The following RALGPS1 variants were observed in gnomAD, a reference collection of about 807,000 sequenced individuals.
RALGPS1 encodes ras-specific guanine nucleotide-releasing factor RalGPS1.
Under a neutral mutation model 78.8 loss-of-function variants are expected in RALGPS1, and 19 were observed. That is an observed-to-expected ratio of 0.24 (90% CI 0.17 to 0.35). The LOEUF (loss-of-function observed/expected upper bound fraction) is 0.35. Ranked by LOEUF, RALGPS1 falls within the 10% of genes least tolerant of loss-of-function variation. The pLI is 1.00. For synonymous variants in RALGPS1, 228 were observed against 256.3 expected (o/e 0.89, Z 1.06); for missense variants, 454 against 688.3 (o/e 0.66, Z 3.81).
In RALGPS1 at chr9:127,212,845, G is replaced by T; in HGVS notation, c.1447-99G>T. On this transcript the variant is annotated intron_variant, in intron 16 of 18. Transcript: ENST00000259351. This position sits in a 1 kb window ranked among gnomAD's most constrained non-coding sequence, Gnocchi z 6.0. ...CTGCGGAGGATGCAGGTGGGAAGGC[G>T]GCAGGGGAGGGAGGAAGCCTTGCCT... 1 of 1,576,266 alleles carries T rather than the reference G, an allele frequency of 6.3e-7. No homozygotes were observed.
At chr9:127,169,923 TTG>T (rs2059478936) in intron 10 of RALGPS1, among the ~76,000 whole-genome samples, 1 of 152,208 alleles carries the variant, frequency 6.6e-6, no homozygotes, top group Admixed American at 6.5e-5. Flanking sequence ...AAATGCATTT[TTG>T]ACTTGTAATA....
chr9:126,988,282 C>T (rs1017447294), intron 4 of RALGPS1, among the ~76,000 whole-genome samples: 7 of 152,066 alleles, frequency 4.6e-5, no homozygotes, highest in Non-Finnish European at 7.4e-5. Flanking sequence ...GTCAAGAGAG[C>T]CAGGTTGGGC....
chr9:127,205,158 C>T lies in RALGPS1; in HGVS notation c.1247+6092C>T, dbSNP rs756013639. ...TGGTGCCTGGCTTCAGTGCTCTGGA[C>T]AGTTGGCCTATCTCTCCTGCATGAG... On this transcript the variant is annotated intron_variant, in intron 14 of 18. Transcript: ENST00000259351. The surrounding 1 kb of genome is among the most constrained non-coding windows in gnomAD (Gnocchi z 4.0). Among the ~76,000 whole-genome samples the T allele has an allele frequency of 2.3e-4, 35 of 152,338 alleles. No individual in the cohort carries two copies. Among genetic ancestry groups the T allele is most frequent in the Non-Finnish European group, 4.0e-4 (27 of 68,030 alleles).
chr9:126,968,976 A>G (rs954540942), intron 3 of RALGPS1, among the ~76,000 whole-genome samples: 1 of 152,138 alleles, frequency 6.6e-6, no homozygotes, highest in Non-Finnish European at 1.5e-5. Context: ...TGAACCCAGG[A>G]GGCAGAGGTT....
chr9:126,967,549 T>G (rs902872581), intron 3 of RALGPS1, among the ~76,000 whole-genome samples: 2 of 152,170 alleles, frequency 1.3e-5, no homozygotes, highest in African/African-American at 2.4e-5. Flanking sequence ...AATAATTTTT[T>G]TTTTTGAGAC....
At chr9:127,085,312 T>A (rs2051593131) in intron 8 of RALGPS1, among the ~76,000 whole-genome samples, 1 of 152,198 alleles carries the variant, frequency 6.6e-6, no homozygotes, top group African/African-American at 2.4e-5. Context: ...GCAACCACCA[T>A]GGCGAACTTA....
chr9:127,203,836 C>T (rs897231810), intron 14 of RALGPS1, among the ~76,000 whole-genome samples: 3 of 152,140 alleles, frequency 2.0e-5, no homozygotes, highest in African/African-American at 7.2e-5. Flanking sequence ...CCCTAGAGAG[C>T]CCTCGAGGCA....
intron 1 of RALGPS1, among the ~76,000 whole-genome samples, chr9:126,935,125 C>CT (rs772456591): frequency 5.0e-4 from 76 of 152,346 alleles, no homozygotes; most frequent in South Asian, 1.2e-3. Flanking sequence ...GGGAGCTCTC[C>CT]TTTCCTTAAA....
chr9:127,105,464 G>T (rs999117576), intron 8 of RALGPS1, among the ~76,000 whole-genome samples: 2 of 152,154 alleles, frequency 1.3e-5, no homozygotes, highest in African/African-American at 4.8e-5. Context: ...GGACCCACTA[G>T]TCACTTGGGT....
chr9:126,917,973 C>G (rs1167350383), intron 1 of RALGPS1, among the ~76,000 whole-genome samples: 1 of 152,108 alleles, frequency 6.6e-6, no homozygotes, highest in African/African-American at 2.4e-5. Flanking sequence ...TTGTTTAGTT[C>G]TTCTTTTAAA....
intron 2 of RALGPS1, among the ~76,000 whole-genome samples, chr9:126,964,760 C>T (rs1207505609): frequency 2.0e-5 from 3 of 152,168 alleles, no homozygotes; most frequent in African/African-American, 7.2e-5. Context: ...CTCTTTTTAA[C>T]CTTACATTTG....
chr9:126,931,689 T>G (rs973255900), intron 1 of RALGPS1, among the ~76,000 whole-genome samples: 1 of 152,156 alleles, frequency 6.6e-6, no homozygotes, highest in Non-Finnish European at 1.5e-5. Flanking sequence ...TGTTCTGGAA[T>G]TAGATAGTGG....
intron 1 of RALGPS1, among the ~76,000 whole-genome samples, chr9:126,959,719 G>A (rs1051222308): frequency 6.6e-6 from 1 of 151,522 alleles, no homozygotes; most frequent in Non-Finnish European, 1.5e-5. Context: ...TGGCATATTT[G>A]CCTTGTCTCT....
chr9:127,034,837 C>T (rs1254447301), intron 5 of RALGPS1, among the ~76,000 whole-genome samples: 1 of 152,176 alleles, frequency 6.6e-6, no homozygotes, highest in Non-Finnish European at 1.5e-5. Flanking sequence ...AGCCTCATCT[C>T]TTTTCCCTCC....
intron 3 of RALGPS1, 31 bp from the exon 4 acceptor site, chr9:126,977,663 TA>T: frequency 6.8e-7 from 1 of 1,468,252 alleles, no homozygotes; most frequent in Non-Finnish European, 9.5e-7. Flanking sequence ...TGATGTACAG[TA>T]TTTTCTAAAA....
chr9:126,971,198 G>T (rs2040075320), intron 3 of RALGPS1, among the ~76,000 whole-genome samples: 1 of 151,928 alleles, frequency 6.6e-6, no homozygotes, highest in Admixed American at 6.6e-5. Flanking sequence ...CAATAGGAAT[G>T]CCTGAAAGCA....
chr9:127,177,888 GT>G (rs770910541), intron 11 of RALGPS1: 9 of 1,549,356 alleles, frequency 5.8e-6, no homozygotes, highest in Middle Eastern at 1.7e-4. Context: ...TGGCTCTGTT[GT>G]TTATTAGCCA....
At position 126,962,217 on chromosome 9, in the gene RALGPS1, C is replaced by A. The variant is rs2038954755; in HGVS notation, c.-65-8C>A. ...AGACTGATTTTTATGAGCCCCTTTG[C>A]CTTGCAGGACTTCTCCAGACAGGTT... is the stretch of plus-strand genomic sequence containing the variant. On this transcript the variant is annotated splice_region_variant and splice_polypyrimidine_tract_variant and intron_variant, in intron 1 of 18. Transcript: ENST00000259351. 2.0e-6 allele frequency: 3 copies of A among 1,505,608 alleles called. No individual in the cohort carries two copies. The highest frequency in any genetic ancestry group is 1.8e-6 in the Non-Finnish European group (2 of 1,087,760). The allele number at this position is 1,505,608 out of a possible 1,614,324, so 93.3% of individuals were successfully genotyped here.
chr9:126,978,631 A>G (rs897844804), intron 4 of RALGPS1, among the ~76,000 whole-genome samples: 1 of 151,944 alleles, frequency 6.6e-6, no homozygotes, highest in Non-Finnish European at 1.5e-5. Context: ...AAGTAGCTGA[A>G]TAGGCTGAAG....
Sources: allele counts gnomAD v4.1 joint callset (sites outside exome capture counted in the v4.1 genomes callset), GRCh38; gene constraint gnomAD v4.1.1; non-coding constraint Gnocchi (gnomAD v3.1); transcripts MANE v1.5; gene names NCBI Gene and HGNC (gene_info 2026-07-23, HGNC 2026-07-21).